The following MFSD11 variants were observed in gnomAD, a reference collection of about 807,000 sequenced individuals.
MFSD11 encodes the protein major facilitator superfamily domain containing 11.
MFSD11 carries 36 observed loss-of-function variants against 53.5 expected under a neutral mutation model. That is an observed-to-expected ratio of 0.67 (90% confidence interval 0.52 to 0.89). MFSD11 has a LOEUF of 0.89. MFSD11 is among the 40% of genes least tolerant of loss of function. The pLI is 0.00. For missense variants in MFSD11, 530 were observed against 543.9 expected, an observed-to-expected ratio of 0.97 and a Z score of 0.25; for synonymous variants, 186 against 184.9, an observed-to-expected ratio of 1.01 and a Z score of -0.05.
At chr17:76,792,878 ATT>A in the MFSD11 span, among the ~76,000 whole-genome samples, 1 of 151,378 alleles carries the variant, frequency 6.6e-6, no homozygotes, top group Non-Finnish European at 1.5e-5. Context: ...AAAGAGAGAA[ATT>A]TTAAAGCTGG....
chr17:76,738,139 C>A lies in MFSD11; in HGVS notation c.-214C>A. On this transcript the variant is annotated 5_prime_UTR_variant, in exon 1 of 13. Transcript: ENST00000685175. ...GGGTTGTGCTCTTCCGTACTCGGATCGCTTCTTAGGAGTATCCTAACTGCC... is the reference window on the plus strand; with the variant it reads ...GGGTTGTGCTCTTCCGTACTCGGATAGCTTCTTAGGAGTATCCTAACTGCC... 1.8e-6 allele frequency: 1 copy of A among 566,868 alleles called. No individual in the cohort carries two copies. The allele number at this position is 566,868 out of a possible 1,614,324, so 35.1% of individuals were successfully genotyped here.
intron 8 of MFSD11, among the ~76,000 whole-genome samples, chr17:76,759,295 T>C (rs1024828109): frequency 6.6e-6 from 1 of 151,762 alleles, no homozygotes; most frequent in East Asian, 1.9e-4. Context: ...TTTTCTTTTT[T>C]TTTTTGAGAT....
At chr17:76,736,790 C>T, upstream of MFSD11, 1 of 1,535,754 alleles carries the variant, frequency 6.5e-7, no homozygotes, top group Admixed American at 1.9e-5. Context: ...TCCCCTCAGC[C>T]CCGTTTACCT....
At chr17:76,754,458 G>A (rs922204678) in intron 8 of MFSD11, among the ~76,000 whole-genome samples, 15 of 152,186 alleles carry the variant, frequency 9.9e-5, no homozygotes, top group African/African-American at 1.7e-4. Context: ...CAAGGCAGGC[G>A]GATCACCTGA....
upstream of MFSD11, chr17:76,737,162 GCT>G (rs1378353339): frequency 5.1e-6 from 8 of 1,561,052 alleles, no homozygotes; most frequent in Admixed American, 1.1e-4. Context: ...GTAGCTCATA[GCT>G]CTGAGTGGCG....
chr17:76,738,284 T>C lies in MFSD11; in HGVS notation c.-69T>C. The C allele has an allele frequency of 2.0e-6, 2 of 984,994 alleles. No individual in the cohort carries two copies. Among genetic ancestry groups the C allele is most frequent in the South Asian group, 1.3e-5 (1 of 74,896 alleles). The allele number at this position is 984,994 out of a possible 1,614,324, so 61.0% of individuals were successfully genotyped here. A position where few individuals can be genotyped will look rare whatever the true frequency, so the allele number is the denominator to read the frequency against. ...CACCATCTCATTTCTTTCTCCAGGATTGTCAGTGGCTTCGCCCCGAGGAGA... is the reference window on the plus strand; with the variant it reads ...CACCATCTCATTTCTTTCTCCAGGACTGTCAGTGGCTTCGCCCCGAGGAGA... On this transcript the variant is annotated 5_prime_UTR_variant, in exon 1 of 13. Transcript: ENST00000685175.
At chr17:76,748,214 C>G (rs2078728202) in intron 7 of MFSD11, among the ~76,000 whole-genome samples, 1 of 151,894 alleles carries the variant, frequency 6.6e-6, no homozygotes, top group Non-Finnish European at 1.5e-5. Flanking sequence ...GCTCTGGTCT[C>G]CAAGAAGGAA....
intron 2 of MFSD11, among the ~76,000 whole-genome samples, chr17:76,739,684 T>C (rs1387150776): frequency 6.6e-6 from 1 of 152,194 alleles, no homozygotes; most frequent in African/African-American, 2.4e-5. Flanking sequence ...AGTTTCTTAA[T>C]TTCTCTAGAG....
intron 8 of MFSD11, among the ~76,000 whole-genome samples, chr17:76,764,277 A>G (rs1416295660): frequency 6.6e-6 from 1 of 152,140 alleles, no homozygotes; most frequent in Non-Finnish European, 1.5e-5. Flanking sequence ...TTTAAGATCT[A>G]CTTTCCAACC....
intron 1 of MFSD11, chr17:76,738,651 T>C (rs2077739061): frequency 4.9e-6 from 3 of 608,600 alleles, no homozygotes; most frequent in African/African-American, 1.9e-5. Context: ...TCGTTTAATC[T>C]GATTTGATTA....
At chr17:76,754,278 T>A in intron 8 of MFSD11, 191 bp downstream of exon 8, 1 of 545,722 alleles carries the variant, frequency 1.8e-6, no homozygotes, top group Non-Finnish European at 3.3e-6. Flanking sequence ...GGATGGATGA[T>A]GGTATGACTG....
chr17:76,737,422 CCGCGCCCCGCTTCGTAACGACCCTGCCG>C (rs2143961683), upstream of MFSD11: 1 of 405,018 alleles, frequency 2.5e-6, no homozygotes, highest in Non-Finnish European at 4.4e-6. Flanking sequence ...GATTGGCCCA[CCGCGCCCCGCTTCGTAACGACCCTGCCG>C]CGCGCCCCGC....
intron 10 of MFSD11, among the ~76,000 whole-genome samples, chr17:76,773,519 T>C (rs2081551434): frequency 6.6e-6 from 1 of 152,242 alleles, no homozygotes. Context: ...CCTCTTTATA[T>C]CTTCTTTGGT....
intron 10 of MFSD11, among the ~76,000 whole-genome samples, chr17:76,771,076 TTGA>T (rs2081343470): frequency 6.6e-6 from 1 of 152,196 alleles, no homozygotes; most frequent in African/African-American, 2.4e-5. Context: ...CCATTGGTGA[TTGA>T]TTTAATCTCC....
At chr17:76,793,236 C>T in the MFSD11 span, among the ~76,000 whole-genome samples, 20 of 151,296 alleles carry the variant, frequency 1.3e-4, no homozygotes, top group Non-Finnish European at 5.9e-5. Flanking sequence ...CTATGGGAGA[C>T]TGGGGCTTAT....
chr17:76,763,730 G>A (rs970380404), intron 8 of MFSD11, among the ~76,000 whole-genome samples: 10 of 151,044 alleles, frequency 6.6e-5, no homozygotes, highest in African/African-American at 9.8e-5. Flanking sequence ...GTTTTCTCCC[G>A]TTCTATAGAT....
chr17:76,756,630 G>A (rs1436337287), intron 8 of MFSD11, among the ~76,000 whole-genome samples: 1 of 152,076 alleles, frequency 6.6e-6, no homozygotes, highest in Non-Finnish European at 1.5e-5. Context: ...GGAGGCTGAG[G>A]TGGGAGGATC....
upstream of MFSD11, chr17:76,737,274 G>C (rs756685331): frequency 7.2e-7 from 1 of 1,392,614 alleles, no homozygotes. Context: ...ACTGGGAAAG[G>C]CCTTGCCGCA....
chr17:76,787,879 G>A, the MFSD11 span, among the ~76,000 whole-genome samples: 1,383 of 150,000 alleles, frequency 9.2e-3, 84 homozygotes, highest in African/African-American at 0.031. Flanking sequence ...AAAACTGACA[G>A]AACAGACTCT....
Sources: allele counts gnomAD v4.1 joint callset (sites outside exome capture counted in the v4.1 genomes callset), GRCh38; gene constraint gnomAD v4.1.1; transcripts MANE v1.5; gene names NCBI Gene and HGNC (gene_info 2026-07-23, HGNC 2026-07-21).